The following MYO16 variants were observed in gnomAD, a reference collection of about 807,000 sequenced individuals.
MYO16 encodes the protein myosin XVI.
MYO16 carries 94 observed loss-of-function variants against 205.3 expected under a neutral mutation model. The observed-to-expected ratio is 0.46, with a 90% CI of 0.39 to 0.54. The LOEUF (loss-of-function observed/expected upper bound fraction) is 0.54. MYO16 is among the 20% of genes least tolerant of loss of function. The pLI is 0.00. For missense variants in MYO16, 2,315 were observed against 2,387.5 expected, an observed-to-expected ratio of 0.97 and a Z score of 0.63; for synonymous variants, 988 against 954.0, an observed-to-expected ratio of 1.04 and a Z score of -0.66.
At chr13:109,124,413 G>C (rs1296211819) in intron 29 of MYO16, among the ~76,000 whole-genome samples, 1 of 152,058 alleles carries the variant, frequency 6.6e-6, no homozygotes, top group Non-Finnish European at 1.5e-5. Flanking sequence ...TTGAGATAGC[G>C]GTATATTTTG....
intron 2 of MYO16, among the ~76,000 whole-genome samples, chr13:108,667,315 G>GTTTTTTTTTTTTTT (rs1186561491): frequency 2.5e-5 from 3 of 118,294 alleles, no homozygotes; most frequent in Admixed American, 8.8e-5. Context: ...GAGAATTTCT[G>GTTTTTTTTTTTTTT]TTTTGTTTTT....
the MYO16 span, among the ~76,000 whole-genome samples, chr13:108,559,111 G>C: frequency 6.6e-6 from 1 of 151,904 alleles, no homozygotes; most frequent in Non-Finnish European, 1.5e-5. Flanking sequence ...TTTGAAATTA[G>C]ACCTTTACAG....
At chr13:109,023,191 T>TG (rs1350883072) in intron 23 of MYO16, among the ~76,000 whole-genome samples, 1 of 126,134 alleles carries the variant, frequency 7.9e-6, no homozygotes, top group Non-Finnish European at 1.6e-5. Context: ...TATTTATATA[T>TG]TATATATGAA....
At chr13:108,619,890 C>T (rs1463622681) in intron 1 of MYO16, among the ~76,000 whole-genome samples, 1 of 152,060 alleles carries the variant, frequency 6.6e-6, no homozygotes, top group Non-Finnish European at 1.5e-5. Context: ...ATGTGACAGA[C>T]AGAAGAAAGG....
At chr13:108,638,931 T>C (rs1391348793) in intron 1 of MYO16, among the ~76,000 whole-genome samples, 1 of 152,122 alleles carries the variant, frequency 6.6e-6, no homozygotes. Context: ...TGAAGATCAA[T>C]GGATGAGGAG....
chr13:109,120,277 C>A, intron 28 of MYO16, 93 bp from the exon 29 acceptor site: 2 of 837,590 alleles, frequency 2.4e-6, no homozygotes, highest in Non-Finnish European at 3.8e-6. Flanking sequence ...TTCTTCTAAT[C>A]CTCTGCTGGA....
At position 109,120,418 on chromosome 13, in the gene MYO16, A is replaced by C; in HGVS notation, c.3487A>C (p.Asn1163His). ...AAAATACTGGCATGCTGACCAACTC[A>C]ATGATTTGTGCCTACAGTTGCAGAG... ...FLKYWHADQL[N>H]DLCLQLQRKI... Residue 1163 changes from asparagine (N) to histidine (H), a missense_variant, in exon 29 of 35, where the codon AAT becomes CAT. By Grantham distance (68) the Asn-to-His change is moderately conservative (BLOSUM62 1). Transcript: ENST00000457511. The C allele has an allele frequency of 6.2e-7, 1 of 1,612,346 alleles. No individual in the cohort carries two copies. The highest frequency in any genetic ancestry group is 8.5e-7 in the Non-Finnish European group (1 of 1,179,322).
At chr13:108,974,656 T>C (rs1884186050) in intron 20 of MYO16, among the ~76,000 whole-genome samples, 1 of 152,194 alleles carries the variant, frequency 6.6e-6, no homozygotes, top group Admixed American at 6.5e-5. Context: ...GTATTTTAGG[T>C]AAAATTTGTG....
intron 13 of MYO16, among the ~76,000 whole-genome samples, chr13:108,886,058 G>A (rs538315790): frequency 6.6e-6 from 1 of 152,182 alleles, no homozygotes; most frequent in South Asian, 2.1e-4. Flanking sequence ...CGCGATCTGG[G>A]CTCACTGCAA....
intron 28 of MYO16, among the ~76,000 whole-genome samples, chr13:109,111,256 GT>G (rs1889272822): frequency 6.6e-6 from 1 of 152,142 alleles, no homozygotes; most frequent in African/African-American, 2.4e-5. Context: ...ATAGAACAGG[GT>G]TGTGAAGGAG....
intron 12 of MYO16, 57 bp from the exon 13 acceptor site, chr13:108,883,002 A>G: frequency 1.3e-6 from 2 of 1,595,426 alleles, no homozygotes; most frequent in Non-Finnish European, 1.7e-6. Flanking sequence ...TTATGGGATG[A>G]GGAATACTGG....
At chr13:108,576,911 C>A in the MYO16 span, among the ~76,000 whole-genome samples, 5 of 152,106 alleles carry the variant, frequency 3.3e-5, no homozygotes, top group African/African-American at 4.8e-5. Flanking sequence ...CAGGCATACG[C>A]CACCACATCT....
At position 109,061,455 on chromosome 13, in the gene MYO16, T is replaced by G. The variant is rs535818324; in HGVS notation, c.3335+5860T>G. 9.8e-5 allele frequency among the ~76,000 whole-genome samples: 15 copies of G among 152,298 alleles called. No individual in the cohort carries two copies. The South Asian group carries it at 3.1e-3, about 32-fold the overall frequency. On this transcript the variant is annotated intron_variant, in intron 27 of 34. Coordinates refer to ENST00000457511, the MANE Select transcript of MYO16 (RefSeq NM_001198950.3). ...GCATCTCTTCCTTTTATGTAAAAAC[T>G]TCGTGACCATTGCAAGTTTATTAAT...
intron 16 of MYO16, among the ~76,000 whole-genome samples, chr13:108,940,596 G>A (rs547569873): frequency 9.8e-5 from 15 of 152,294 alleles, no homozygotes; most frequent in Admixed American, 1.3e-4. Context: ...TAACACAGAC[G>A]CTTAGAGTAA....
At chr13:108,882,075 C>T (rs1410542562) in intron 12 of MYO16, among the ~76,000 whole-genome samples, 1 of 152,138 alleles carries the variant, frequency 6.6e-6, no homozygotes, top group Non-Finnish European at 1.5e-5. Context: ...AAAGAGAAGC[C>T]CATCAGACTA....
At chr13:109,163,827 G>GT (rs1878510123) in intron 32 of MYO16, 1 of 152,132 alleles carries the variant, frequency 6.6e-6, no homozygotes, top group South Asian at 2.1e-4. Flanking sequence ...GCCTATGGAG[G>GT]TACCGGTGAT....
chr13:108,564,194 A>AC, the MYO16 span, among the ~76,000 whole-genome samples: 3 of 123,552 alleles, frequency 2.4e-5, no homozygotes, highest in Non-Finnish European at 4.9e-5. Flanking sequence ...TTTTTTTGAG[A>AC]GGGTCTCGCT....
intron 24 of MYO16, chr13:109,048,964 G>GGAAA (rs377074438): frequency 1.3e-5 from 1 of 76,922 alleles, no homozygotes; most frequent in African/African-American, 5.0e-5. Context: ...AAAGGAGGCA[G>GGAAA]AAAAAAAAAA....
intron 20 of MYO16, among the ~76,000 whole-genome samples, chr13:108,982,594 T>A (rs1315424756): frequency 6.6e-6 from 1 of 152,190 alleles, no homozygotes; most frequent in Non-Finnish European, 1.5e-5. Flanking sequence ...ATCTTTTAAT[T>A]GGGTTTTAAT....
Sources: allele counts gnomAD v4.1 joint callset (sites outside exome capture counted in the v4.1 genomes callset), GRCh38; gene constraint gnomAD v4.1.1; transcripts MANE v1.5; gene names NCBI Gene and HGNC (gene_info 2026-07-23, HGNC 2026-07-21).